The following GPC6 variants were observed in gnomAD, a reference collection of about 807,000 sequenced individuals.
GPC6 encodes glypican 6, also known as glypican-6.
Under a neutral mutation model 55.2 loss-of-function variants are expected in GPC6, and 14 were observed. That is an observed-to-expected ratio of 0.25 (90% CI 0.17 to 0.40). The LOEUF (loss-of-function observed/expected upper bound fraction) is 0.40. Among genes scored for constraint, GPC6 ranks in the 10% least tolerant of loss-of-function variants. The probability of loss-of-function intolerance (pLI) is 1.00; values close to 1 mark genes in which losing one functional copy is unlikely to be tolerated. For synonymous variants in GPC6, 278 were observed against 259.6 expected (o/e 1.07, Z -0.68); for missense variants, 641 against 708.5 (o/e 0.90, Z 1.08).
intron 1 of GPC6, among the ~76,000 whole-genome samples, chr13:93,416,434 A>T (rs1383450899): frequency 6.6e-6 from 1 of 152,048 alleles, no homozygotes; most frequent in African/African-American, 2.4e-5. Flanking sequence ...GTAGGTATAT[A>T]TATTTATGGG....
At chr13:93,855,869 A>G (rs1405369576) in intron 3 of GPC6, among the ~76,000 whole-genome samples, 1 of 151,486 alleles carries the variant, frequency 6.6e-6, no homozygotes, top group Admixed American at 6.6e-5. Context: ...TCTTTAGATC[A>G]TTTTTTGATT....
chr13:93,646,542 C>T (rs1005940287), intron 2 of GPC6, among the ~76,000 whole-genome samples: 19 of 152,058 alleles, frequency 1.2e-4, no homozygotes, highest in Non-Finnish European at 2.4e-4. Context: ...GTAATCCCTA[C>T]GTGTTCTACT....
At chr13:93,392,595 A>C (rs112375490) in intron 1 of GPC6, among the ~76,000 whole-genome samples, 162 of 152,364 alleles carry the variant, frequency 1.1e-3, no homozygotes, top group Non-Finnish European at 1.6e-3. Flanking sequence ...CTGATGGCTC[A>C]GCATCATACT....
intron 2 of GPC6, among the ~76,000 whole-genome samples, chr13:93,574,378 A>G (rs1428373111): frequency 6.6e-6 from 1 of 152,136 alleles, no homozygotes; most frequent in East Asian, 1.9e-4. Flanking sequence ...TCTACAAGCC[A>G]AGATTGAGAA....
intron 3 of GPC6, among the ~76,000 whole-genome samples, chr13:94,027,374 A>G (rs1292050694): frequency 6.6e-6 from 1 of 152,132 alleles, no homozygotes; most frequent in Non-Finnish European, 1.5e-5. Context: ...GCAGTTGGAA[A>G]ATTTTCTAAA....
intron 4 of GPC6, among the ~76,000 whole-genome samples, chr13:94,245,273 A>C (rs375422188): frequency 6.6e-6 from 1 of 152,002 alleles, no homozygotes; most frequent in African/African-American, 2.4e-5. Context: ...AAATGAGATC[A>C]TGCAGCCTGG....
intron 4 of GPC6, among the ~76,000 whole-genome samples, chr13:94,033,276 G>T (rs1046908835): frequency 6.6e-6 from 1 of 152,150 alleles, no homozygotes; most frequent in Non-Finnish European, 1.5e-5. Flanking sequence ...TTCTTTCATT[G>T]TGACAGCTGC....
intron 4 of GPC6, among the ~76,000 whole-genome samples, chr13:94,264,422 T>C (rs1162757416): frequency 6.6e-6 from 1 of 152,246 alleles, no homozygotes; most frequent in African/African-American, 2.4e-5. Context: ...ACCCTTCTTG[T>C]GAAACTTCCA....
intron 4 of GPC6, chr13:94,154,194 A>G (rs1356757209): frequency 6.6e-6 from 1 of 151,912 alleles, no homozygotes; most frequent in Non-Finnish European, 1.5e-5. Flanking sequence ...TGCAGGTTGC[A>G]TTTTAGCTTA....
chr13:93,642,538 G>A (rs1164846995), intron 2 of GPC6, among the ~76,000 whole-genome samples: 1 of 152,030 alleles, frequency 6.6e-6, no homozygotes, highest in Non-Finnish European at 1.5e-5. Flanking sequence ...GGGTCAAATG[G>A]TAGTTCAACC....
intron 3 of GPC6, among the ~76,000 whole-genome samples, chr13:93,927,054 T>C (rs1299361588): frequency 6.6e-6 from 1 of 152,190 alleles, no homozygotes; most frequent in Non-Finnish European, 1.5e-5. Flanking sequence ...TGGAGCAAAA[T>C]ATTCTGTCCA....
At chr13:93,472,985 C>T (rs1879177243) in intron 1 of GPC6, among the ~76,000 whole-genome samples, 1 of 152,148 alleles carries the variant, frequency 6.6e-6, no homozygotes, top group African/African-American at 2.4e-5. Context: ...GTAGCTCCTC[C>T]CTGTAGCTAG....
Position 94,272,844 on chromosome 13 carries a change from C to T in GPC6, c.878-13505C>T, listed in dbSNP as rs117745781. Among the ~76,000 whole-genome samples, 899 of 152,046 alleles carry T rather than the reference C, an allele frequency of 5.9e-3. 6 individuals carry two copies. The highest frequency in any genetic ancestry group is 0.01 in the Admixed American group (156 of 15,268). ...GTGATGGAGTAGAAAGATACCTGGC[C>T]GAAAGACAGAGACTCAGGCCACGGT... On this transcript the variant is annotated intron_variant, in intron 4 of 8. Transcript: ENST00000377047.
chr13:93,501,679 A>G (rs1245338158), intron 1 of GPC6, among the ~76,000 whole-genome samples: 3 of 152,290 alleles, frequency 2.0e-5, no homozygotes, highest in East Asian at 1.9e-4. Flanking sequence ...GCATCTTCAC[A>G]TTTCATGTGA....
At chr13:93,302,064 A>ATT (rs1175925963) in intron 1 of GPC6, among the ~76,000 whole-genome samples, 1 of 152,088 alleles carries the variant, frequency 6.6e-6, no homozygotes, top group East Asian at 1.9e-4. Context: ...GTCACTGTAT[A>ATT]TTTTTCTCTG....
At chr13:93,497,653 A>G (rs145825159) in intron 1 of GPC6, among the ~76,000 whole-genome samples, 408 of 152,364 alleles carry the variant, frequency 2.7e-3, no homozygotes, top group Non-Finnish European at 4.3e-3. Context: ...TTGAAGCTGA[A>G]GGACAATTGA....
At chr13:94,249,224 A>T (rs897569840) in intron 4 of GPC6, among the ~76,000 whole-genome samples, 1 of 152,130 alleles carries the variant, frequency 6.6e-6, no homozygotes, top group Non-Finnish European at 1.5e-5. Context: ...CTAATTTTCT[A>T]TCCTATCGAT....
Position 93,876,515 on chromosome 13 carries a change from G to A in GPC6, c.711+45970G>A, listed in dbSNP as rs142356333. 6.4e-3 allele frequency among the ~76,000 whole-genome samples: 970 copies of A among 152,020 alleles called. 14 individuals carry two copies. The highest frequency in any genetic ancestry group is 0.022 in the African/African-American group (931 of 41,494). The stretch of plus-strand genomic sequence containing the variant: ...GTATGGTCTAGATTATAGAGGGCAC[G>A]GAATACTTTTTGTTGCCTAAAAATG... On this transcript the variant is annotated intron_variant, in intron 3 of 8. Coordinates refer to ENST00000377047, the MANE Select transcript of GPC6 (RefSeq NM_005708.5).
chr13:94,271,678 C>G (rs769104643), intron 4 of GPC6, among the ~76,000 whole-genome samples: 4 of 152,114 alleles, frequency 2.6e-5, no homozygotes, highest in Non-Finnish European at 5.9e-5. Context: ...GTACCAAGCC[C>G]ATTGAAAATA....
Sources: gnomAD v4.1 joint callset for allele counts (sites outside exome capture counted in the v4.1 genomes callset) on GRCh38, gnomAD v4.1.1 for gene constraint, MANE v1.5 for transcripts, NCBI Gene and HGNC (gene_info 2026-07-23, HGNC 2026-07-21) for gene names.